Variants in MIS18A observed in about 807,000 individuals in gnomAD.
The protein encoded by MIS18A is protein Mis18-alpha.
MIS18A carries 14 observed loss-of-function variants against 25.0 expected under a neutral mutation model. The observed-to-expected ratio is 0.56, with a 90% CI of 0.37 to 0.88. The LOEUF is 0.88. MIS18A is among the 40% of genes least tolerant of loss of function. MIS18A has a pLI of 0.00. For missense variants in MIS18A, 292 were observed against 290.8 expected, an observed-to-expected ratio of 1.00 and a Z score of -0.03; for synonymous variants, 134 against 118.6, an observed-to-expected ratio of 1.13 and a Z score of -0.84.
chr21:32,270,714 C>T (rs187212387), intron 2 of MIS18A, 185 bp from the exon 3 acceptor site: 35 of 504,528 alleles, frequency 6.9e-5, no homozygotes, highest in African/African-American at 4.2e-4. Context: ...AAGACAGCCA[C>T]GATGCCTTAA....
At chr21:32,228,764 T>C in the MIS18A span, among the ~76,000 whole-genome samples, 12 of 152,008 alleles carry the variant, frequency 7.9e-5, no homozygotes, top group African/African-American at 2.9e-4. Context: ...CCATTTATAA[T>C]CAAAAAGAAT....
the MIS18A span, among the ~76,000 whole-genome samples, chr21:32,219,069 A>G: frequency 9.0e-6 from 1 of 110,692 alleles, no homozygotes; most frequent in Non-Finnish European, 1.8e-5. Flanking sequence ...CTCTGTCTCA[A>G]AAAAAAAAAA....
the MIS18A span, among the ~76,000 whole-genome samples, chr21:32,233,992 A>C: frequency 6.6e-6 from 1 of 152,340 alleles, no homozygotes; most frequent in African/African-American, 2.4e-5. Context: ...TACTAAATGT[A>C]ATGCAGTGCC....
chr21:32,207,915 G>T, the MIS18A span, among the ~76,000 whole-genome samples: 1 of 152,154 alleles, frequency 6.6e-6, no homozygotes, highest in Non-Finnish European at 1.5e-5. Flanking sequence ...CTCAAGCTTG[G>T]TTTAATGTTT....
the MIS18A span, among the ~76,000 whole-genome samples, chr21:32,190,806 A>G: frequency 6.6e-6 from 1 of 152,232 alleles, no homozygotes; most frequent in African/African-American, 2.4e-5. Flanking sequence ...TAGACCAACG[A>G]AAGTTCAGCC....
chr21:32,270,339 CTG>C, intron 3 of MIS18A, 66 bp downstream of exon 3: 1 of 1,557,470 alleles, frequency 6.4e-7, no homozygotes, highest in Non-Finnish European at 8.8e-7. Context: ...TGATTTAGTT[CTG>C]ACAATTCCGT....
the MIS18A span, among the ~76,000 whole-genome samples, chr21:32,195,325 T>C: frequency 2.0e-5 from 3 of 152,208 alleles, no homozygotes; most frequent in Non-Finnish European, 4.4e-5. Context: ...ATGTGCGTCA[T>C]TCAAGAAAAT....
At position 32,268,932 on chromosome 21, in the gene MIS18A, T is replaced by TC. The variant is rs1219861429; in HGVS notation, c.*104_*105insG. 1.1e-6 allele frequency: 1 copy of TC among 890,628 alleles called. No individual in the cohort carries two copies. The highest frequency in any genetic ancestry group is 1.7e-6 in the Non-Finnish European group (1 of 586,950). 55.2% of individuals were successfully genotyped at this position (890,628 alleles called of 1,614,324 possible). A position where few individuals can be genotyped will look rare whatever the true frequency, so the allele number is the denominator to read the frequency against. ...CAGCGTTTCGCATGCCTGGCTAATT[T>TC]TTTTTTTCTTTTTTTTTTTGTAGAG... is the stretch of plus-strand genomic sequence containing the variant. On this transcript the variant is annotated 3_prime_UTR_variant, in exon 5 of 5. Coordinates refer to ENST00000290130, the MANE Select transcript of MIS18A (RefSeq NM_018944.3).
chr21:32,274,601 T>C (rs993666748), intron 2 of MIS18A, among the ~76,000 whole-genome samples: 3 of 152,196 alleles, frequency 2.0e-5, no homozygotes, highest in African/African-American at 7.2e-5. Context: ...CTAGAAACTC[T>C]AACTTTTCAA....
chr21:32,205,636 G>GA, the MIS18A span, among the ~76,000 whole-genome samples: 14 of 152,104 alleles, frequency 9.2e-5, no homozygotes, highest in African/African-American at 2.9e-4. Flanking sequence ...TCTAAAATAA[G>GA]AAAAAATGAC....
At chr21:32,267,568 C>T (rs2031628209), downstream of MIS18A, among the ~76,000 whole-genome samples, 1 of 152,192 alleles carries the variant, frequency 6.6e-6, no homozygotes, top group Admixed American at 6.5e-5. Context: ...CTAGTATGAA[C>T]AGGGTATAAG....
chr21:32,195,751 G>A, the MIS18A span, among the ~76,000 whole-genome samples: 2 of 152,186 alleles, frequency 1.3e-5, no homozygotes, highest in Non-Finnish European at 2.9e-5. Flanking sequence ...AAGGCACAGT[G>A]GCTCACACCT....
rs750873147 is a variant in MIS18A, at chr21:32,278,910, G to C, written c.105C>G (p.Leu35=). The part of the protein sequence containing the change: ...CSDSSLLGKR[L]SEDSSRHQLL... Reference sequence around the variant, plus strand: ...GCTGGTGGCGGCTCGAGTCTTCGGAGAGTCTCTTGCCCAACAGCGAGGAGT... The same window carrying C: ...GCTGGTGGCGGCTCGAGTCTTCGGACAGTCTCTTGCCCAACAGCGAGGAGT... The change falls in exon 1 of 5, where the codon CTC becomes CTG. Residue 35 remains leucine (L), a synonymous_variant. Transcript: ENST00000290130. 9 of 1,613,554 alleles carry C rather than the reference G, an allele frequency of 5.6e-6. No individual in the cohort carries two copies. The highest frequency in any genetic ancestry group is 7.6e-6 in the Non-Finnish European group (9 of 1,180,018).
chr21:32,236,512 A>G, the MIS18A span, among the ~76,000 whole-genome samples: 4 of 152,194 alleles, frequency 2.6e-5, no homozygotes, highest in Non-Finnish European at 4.4e-5. Flanking sequence ...TCTTATGTAG[A>G]AGTCCAGGCT....
At chr21:32,269,621 G>C in intron 4 of MIS18A, 86 bp downstream of exon 4, 3 of 771,064 alleles carry the variant, frequency 3.9e-6, no homozygotes, top group Non-Finnish European at 6.5e-6. Flanking sequence ...CACAGATGAC[G>C]TTATGAGAAT....
the MIS18A span, among the ~76,000 whole-genome samples, chr21:32,242,036 G>A: frequency 2.6e-5 from 4 of 152,132 alleles, no homozygotes; most frequent in Admixed American, 6.5e-5. Context: ...CCGCCACCAC[G>A]CCCGGCTATA....
the MIS18A span, among the ~76,000 whole-genome samples, chr21:32,197,341 C>T: frequency 6.8e-6 from 1 of 148,030 alleles, no homozygotes; most frequent in African/African-American, 2.5e-5. Flanking sequence ...TACCTATTTC[C>T]TACCCACCCA....
the MIS18A span, among the ~76,000 whole-genome samples, chr21:32,195,132 T>C: frequency 6.6e-6 from 1 of 152,178 alleles, no homozygotes; most frequent in Admixed American, 6.5e-5. Flanking sequence ...AAAAGACAGT[T>C]ATCAAAAAGA....
the MIS18A span, among the ~76,000 whole-genome samples, chr21:32,263,140 T>C: frequency 1.3e-5 from 2 of 152,364 alleles, no homozygotes; most frequent in African/African-American, 2.4e-5. Context: ...AAATTGTCTC[T>C]GGGTGTTCAC....
Sources: allele counts gnomAD v4.1 joint callset (sites outside exome capture counted in the v4.1 genomes callset), GRCh38; gene constraint gnomAD v4.1.1; transcripts MANE v1.5; gene names NCBI Gene and HGNC (gene_info 2026-07-23, HGNC 2026-07-21).